ZNF326: variants seen among roughly 807,000 people sequenced by gnomAD.
ZNF326 encodes zinc finger protein 326, also known as DBIRD complex subunit ZNF326.
ZNF326 carries 30 observed loss-of-function variants against 63.1 expected under a neutral mutation model. The ratio of observed to expected loss-of-function variants is 0.48; its 90% CI spans 0.36 to 0.64. The LOEUF (loss-of-function observed/expected upper bound fraction) is 0.64, where lower values mean the gene tolerates loss of function less well. Ranked by LOEUF, ZNF326 falls within the 30% of genes least tolerant of loss-of-function variation. The pLI is 0.00. For synonymous variants in ZNF326, 194 were observed against 228.2 expected, an observed-to-expected ratio of 0.85 and a Z score of 1.35; for missense variants, 609 against 720.3, an observed-to-expected ratio of 0.85 and a Z score of 1.77.
At position 90,013,248 on chromosome 1, in the gene ZNF326, A is replaced by G. The variant is rs770672140; in HGVS notation, c.926+11A>G. 2.6e-6 allele frequency: 4 copies of G among 1,525,926 alleles called. No homozygotes were observed. In the South Asian group the frequency reaches 3.9e-5, roughly 15 times the overall value. The allele number at this position is 1,525,926 out of a possible 1,614,324, so 94.5% of individuals were successfully genotyped here. A position where few individuals can be genotyped will look rare whatever the true frequency, so the allele number is the denominator to read the frequency against. On this transcript the variant is annotated intron_variant, in intron 7 of 11. Transcript: ENST00000340281. ...CGGAGATGGATACAGGTTTGTACTTAGAGTCAGAAAATTAGGTTCATTAAA... is the reference window on the plus strand; with the variant it reads ...CGGAGATGGATACAGGTTTGTACTTGGAGTCAGAAAATTAGGTTCATTAAA...
chr1:90,013,205 A>G lies in ZNF326; in HGVS notation c.894A>G (p.Glu298=). The G allele has an allele frequency of 1.2e-6, 2 of 1,610,046 alleles. No individual in the cohort carries two copies. The highest frequency in any genetic ancestry group is 1.7e-6 in the Non-Finnish European group (2 of 1,177,970). ...ARREKQRRRR[E]KNSEKYGDGY... is the part of the protein sequence containing the mutation. ...GAGAGAAACAAAGGCGCAGAAGAGAAAAAAACAGTGAGAAATACGGAGATG... is the reference window on the plus strand; with the variant it reads ...GAGAGAAACAAAGGCGCAGAAGAGAGAAAAACAGTGAGAAATACGGAGATG... The change falls in exon 7 of 12, where the codon GAA becomes GAG. Residue 298 remains glutamate, a synonymous_variant. Transcript: ENST00000340281.
In ZNF326 at chr1:90,030,854, G is replaced by T. The variant is rs1044640839; in HGVS notation, c.*3153G>T. ...CTAATATTTTTTTTGTAGAGATGGG[G>T]TCTTGCTTTGTTGCCCAGGCTAGTC... On this transcript the variant is annotated 3_prime_UTR_variant, in exon 12 of 12. Transcript: ENST00000340281. 10 of 152,226 alleles carry T rather than the reference G, an allele frequency of 6.6e-5. No individual in the cohort carries two copies. Among genetic ancestry groups the T allele is most frequent in the African/African-American group, 2.4e-4 (10 of 41,408 alleles). The allele number at this position is 152,226 out of a possible 1,614,324, so 9.4% of individuals were successfully genotyped here.
chr1:90,008,905 T>C (rs1211789004), intron 5 of ZNF326, among the ~76,000 whole-genome samples: 3 of 152,172 alleles, frequency 2.0e-5, no homozygotes, highest in African/African-American at 7.2e-5. Flanking sequence ...CTAGGTTAGA[T>C]AGGCATTCCT....
At position 89,995,117 on chromosome 1, in the gene ZNF326, C is replaced by G. The variant is rs973308511; in HGVS notation, c.-141C>G. On this transcript the variant is annotated 5_prime_UTR_variant, in exon 1 of 12. Coordinates refer to ENST00000340281, the MANE Select transcript of ZNF326 (RefSeq NM_182976.4). Reference sequence around the variant, plus strand: ...GGTCGGCCCCGCCTCCCCAGCCTCGCTGTGGCCTGCGGCTCCCGGGCTGGT... The same window carrying G: ...GGTCGGCCCCGCCTCCCCAGCCTCGGTGTGGCCTGCGGCTCCCGGGCTGGT... The G allele has an allele frequency of 9.5e-7, 1 of 1,048,834 alleles. No homozygotes were observed. The highest frequency in any genetic ancestry group is 3.1e-5 in the East Asian group (1 of 31,990). The allele number at this position is 1,048,834 out of a possible 1,614,324, so 65.0% of individuals were successfully genotyped here.
Position 90,027,795 on chromosome 1 carries a change from C to A in ZNF326, c.*94C>A. 1 of 1,106,490 alleles carries A rather than the reference C, an allele frequency of 9.0e-7. No individual in the cohort carries two copies. The highest frequency in any genetic ancestry group is 1.3e-6 in the Non-Finnish European group (1 of 755,094). 68.5% of individuals were successfully genotyped at this position (1,106,490 alleles called of 1,614,324 possible). Reference sequence around the variant, plus strand: ...ATAGCTTAAAATATGAATTAACACCCATGTTGCATGCATTCCACATATTAA... The same window carrying A: ...ATAGCTTAAAATATGAATTAACACCAATGTTGCATGCATTCCACATATTAA... On this transcript the variant is annotated 3_prime_UTR_variant, in exon 12 of 12. Transcript: ENST00000340281.
At chr1:90,014,064 CAA>C (rs796712820) in intron 7 of ZNF326, among the ~76,000 whole-genome samples, 2 of 127,690 alleles carry the variant, frequency 1.6e-5, no homozygotes, top group Non-Finnish European at 3.3e-5. Flanking sequence ...GACTCTGTCT[CAA>C]AAAAAAAAAG....
At chr1:89,996,729 A>G (rs566458132) in intron 1 of ZNF326, among the ~76,000 whole-genome samples, 2 of 152,208 alleles carry the variant, frequency 1.3e-5, no homozygotes, top group East Asian at 3.9e-4. Flanking sequence ...ACAAGAGCCA[A>G]ACTTCGTCTG....
Position 90,005,187 on chromosome 1 carries a change from C to G in ZNF326, c.152C>G (p.Ser51Cys). 1 of 1,613,892 alleles carries G rather than the reference C, an allele frequency of 6.2e-7. No homozygotes were observed. Among genetic ancestry groups the G allele is most frequent in the Non-Finnish European group, 8.5e-7 (1 of 1,179,948 alleles). ...TATGGGGGTCAGAGATCCATGGATTCCTACCTAAACCAGTCATATGGCATG... is the reference window on the plus strand; with the variant it reads ...TATGGGGGTCAGAGATCCATGGATTGCTACCTAAACCAGTCATATGGCATG... ...GSYGGQRSMD[S>C]YLNQSYGMDN... The change falls in exon 4 of 12, where the codon TCC becomes TGC. Residue 51 changes from serine to cysteine, a missense_variant. Physicochemically the swap from Ser to Cys is moderately radical, Grantham distance 112 (BLOSUM62 -1). Transcript: ENST00000340281.
At chr1:90,003,973 T>C (rs1648829070) in intron 2 of ZNF326, among the ~76,000 whole-genome samples, 1 of 152,188 alleles carries the variant, frequency 6.6e-6, no homozygotes, top group Non-Finnish European at 1.5e-5. Context: ...TGTGTACTAT[T>C]GTATTTATTT....
rs1307544003 is a variant in ZNF326, at chr1:90,033,132, T to C, written c.*5431T>C. The C allele has an allele frequency of 6.6e-6, 1 of 152,166 alleles. No individual in the cohort carries two copies. The highest frequency in any genetic ancestry group is 1.5e-5 in the Non-Finnish European group (1 of 68,024). The allele number at this position is 152,166 out of a possible 1,614,324, so 9.4% of individuals were successfully genotyped here. A position where few individuals can be genotyped will look rare whatever the true frequency, so the allele number is the denominator to read the frequency against. ...ATAATGATACTGAGAAATTTATTGG[T>C]TGGAAAACTGCTATCTACAGGCCTT... is the stretch of plus-strand genomic sequence containing the variant. On this transcript the variant is annotated 3_prime_UTR_variant, in exon 12 of 12. Coordinates refer to ENST00000340281, the MANE Select transcript of ZNF326 (RefSeq NM_182976.4).
At chr1:90,026,440 C>T (rs116325848) in intron 11 of ZNF326, among the ~76,000 whole-genome samples, 2,232 of 152,296 alleles carry the variant, frequency 0.015, 27 homozygotes, top group Non-Finnish European at 0.023. Context: ...TCTGAACTCT[C>T]CTCTCTTTTG....
intron 11 of ZNF326, among the ~76,000 whole-genome samples, chr1:90,027,052 G>A (rs1650043419): frequency 1.6e-5 from 2 of 126,618 alleles, no homozygotes; most frequent in African/African-American, 5.9e-5. Flanking sequence ...ACTTGTCTTT[G>A]TCATGTGTAT....
At chr1:90,005,640 G>T in intron 4 of ZNF326, 1 of 968,982 alleles carries the variant, frequency 1.0e-6, no homozygotes, top group Non-Finnish European at 1.2e-6. Flanking sequence ...GGGGTGCTAT[G>T]TAAATTAGCA....
rs34759229 is a variant in ZNF326, at chr1:90,001,555, A to ATT, written c.61+3415_61+3416dup. 2.2e-3 allele frequency among the ~76,000 whole-genome samples: 317 copies of ATT among 143,828 alleles called. 2 individuals carry two copies. Among genetic ancestry groups the ATT allele is most frequent in the East Asian group, 3.6e-3 (18 of 4,932 alleles). The allele number at this position is 143,828 out of a possible 152,430, so 94.4% of individuals were successfully genotyped here. On this transcript the variant is annotated intron_variant, in intron 2 of 11. Coordinates refer to ENST00000340281, the MANE Select transcript of ZNF326 (RefSeq NM_182976.4). ...TATTTTGGTCATAGGTCAGTTTTTA[A>ATT]TTTTTTTTTTTTTTTGAGGTGGAGT... is the stretch of plus-strand genomic sequence containing the variant.
At chr1:90,022,181 G>T in intron 10 of ZNF326, 69 bp from the exon 11 acceptor site, 1 of 1,177,556 alleles carries the variant, frequency 8.5e-7, no homozygotes. Context: ...ATGAAATGCT[G>T]TTTTAATTAT....
At chr1:90,005,427 CG>C (rs1460468353) in intron 4 of ZNF326, 183 bp downstream of exon 4, 11 of 1,313,778 alleles carry the variant, frequency 8.4e-6, no homozygotes, top group Non-Finnish European at 1.1e-5. Flanking sequence ...TACTGGCAGA[CG>C]TTATTTTAGG....
At chr1:90,004,903 A>G in intron 2 of ZNF326, 100 bp from the exon 3 acceptor site, 2 of 935,968 alleles carry the variant, frequency 2.1e-6, no homozygotes, top group Non-Finnish European at 3.1e-6. Context: ...TTAATGGTAA[A>G]TTATCTCAGG....
intron 2 of ZNF326, among the ~76,000 whole-genome samples, chr1:90,002,842 C>T (rs1313865511): frequency 6.6e-6 from 1 of 152,060 alleles, no homozygotes; most frequent in Non-Finnish European, 1.5e-5. Context: ...ATCTTTTTTA[C>T]CATATATTAT....
chr1:90,001,553 T>G (rs1039291684), intron 2 of ZNF326, among the ~76,000 whole-genome samples: 15 of 78,408 alleles, frequency 1.9e-4, no homozygotes, highest in Non-Finnish European at 2.2e-4. Context: ...GGTCAGTTTT[T>G]AATTTTTTTT....
Sources: allele counts gnomAD v4.1 joint callset (sites outside exome capture counted in the v4.1 genomes callset), GRCh38; gene constraint gnomAD v4.1.1; transcripts MANE v1.5; gene names NCBI Gene and HGNC (gene_info 2026-07-23, HGNC 2026-07-21).